Variants in DLGAP2 observed in about 807,000 individuals in gnomAD.
DLGAP2 encodes the protein disks large-associated protein 2.
A neutral mutation model predicts 100.3 loss-of-function variants in DLGAP2; 26 were observed. That is an observed-to-expected ratio of 0.26 (90% confidence interval 0.19 to 0.36). The LOEUF is 0.36. DLGAP2 is among the 10% of genes least tolerant of loss of function. The probability of loss-of-function intolerance (pLI) is 1.00; values close to 1 mark genes in which losing one functional copy is unlikely to be tolerated. For synonymous variants in DLGAP2, 886 were observed against 630.1 expected (o/e 1.41, Z -6.08); for missense variants, 1,858 against 1,453.2 (o/e 1.28, Z -4.53).
At chr8:923,650 A>T (rs1453896408) in intron 2 of DLGAP2, among the ~76,000 whole-genome samples, 1 of 151,884 alleles carries the variant, frequency 6.6e-6, no homozygotes, top group Non-Finnish European at 1.5e-5. Context: ...CAGTTTAGAG[A>T]CCCCTCTGAG....
chr8:1,524,693 T>A (rs991945006), intron 4 of DLGAP2, among the ~76,000 whole-genome samples: 1 of 152,126 alleles, frequency 6.6e-6, no homozygotes, highest in African/African-American at 2.4e-5. Context: ...AACCTTCTCA[T>A]TGCCTTTCCA....
intron 7 of DLGAP2, among the ~76,000 whole-genome samples, chr8:1,628,519 C>T (rs1400462536): frequency 6.7e-6 from 1 of 148,556 alleles, no homozygotes; most frequent in Non-Finnish European, 1.5e-5. Context: ...GAATTAAGAG[C>T]CTGAGCTGAC....
At chr8:906,752 C>G (rs776795236) in intron 1 of DLGAP2, among the ~76,000 whole-genome samples, 4 of 152,226 alleles carry the variant, frequency 2.6e-5, no homozygotes, top group East Asian at 1.9e-4. Context: ...CTCAGCCACA[C>G]AGGCAGCTCT....
At chr8:1,153,071 C>G (rs1256960723) in intron 2 of DLGAP2, among the ~76,000 whole-genome samples, 1 of 152,144 alleles carries the variant, frequency 6.6e-6, no homozygotes, top group East Asian at 1.9e-4. Context: ...GCTTTTATTT[C>G]AAGAAACTAC....
At chr8:1,201,063 T>C (rs879347065) in intron 2 of DLGAP2, among the ~76,000 whole-genome samples, 9 of 151,904 alleles carry the variant, frequency 5.9e-5, no homozygotes, top group Non-Finnish European at 1.2e-4. Context: ...GCCAGGCGGG[T>C]GCCGAGATGC....
chr8:1,622,790 C>T (rs148041178), intron 6 of DLGAP2, among the ~76,000 whole-genome samples: 27 of 152,270 alleles, frequency 1.8e-4, no homozygotes, highest in African/African-American at 6.0e-4. Context: ...CCTGGGATGC[C>T]GCAGGAATTA....
At chr8:1,301,576 G>A (rs1385507838) in intron 3 of DLGAP2, 3 of 152,170 alleles carry the variant, frequency 2.0e-5, no homozygotes, top group South Asian at 2.1e-4. Flanking sequence ...TGATGGTCCC[G>A]ATCCTGCCTG....
In DLGAP2 at chr8:1,549,031, T is replaced by A. The variant is rs750458298; in HGVS notation, c.578T>A (p.Leu193Gln). Residue 193 changes from leucine to glutamine, a missense_variant, in exon 5 of 15, where the codon CTG (leucine) becomes CAG (glutamine). Transcript: ENST00000637795. The part of the protein sequence containing the change: ...AKINRIPANL[L>Q]DQFEKQLPLH... ...ATCAACCGCATCCCGGCCAACCTGC[T>A]GGACCAGTTCGAGAAGCAGCTGCCG... The A allele has an allele frequency of 1.3e-6, 2 of 1,596,024 alleles. No homozygotes were observed. The highest frequency in any genetic ancestry group is 1.7e-5 in the Admixed American group (1 of 58,860).
chr8:1,059,491 G>A (rs193218830), intron 2 of DLGAP2, among the ~76,000 whole-genome samples: 1 of 152,298 alleles, frequency 6.6e-6, no homozygotes, highest in Non-Finnish European at 1.5e-5. Context: ...GGCTGCAAGA[G>A]GATTGAATGA....
intron 2 of DLGAP2, among the ~76,000 whole-genome samples, chr8:1,247,315 TG>T (rs66892069): frequency 0.86 from 57,408 of 66,980 alleles, 26,551 homozygotes; most frequent in Middle Eastern, 0.98. Flanking sequence ...GAGATCAGTG[TG>T]GGAGTGATGG....
chr8:1,165,057 C>G (rs902959073), intron 2 of DLGAP2, among the ~76,000 whole-genome samples: 1 of 151,920 alleles, frequency 6.6e-6, no homozygotes, highest in Non-Finnish European at 1.5e-5. Context: ...GCTAAAGATT[C>G]TCCTCCCTCT....
rs549673983 is a variant in DLGAP2 at position 1,332,582 on chromosome 8, C to G, written c.106+73699C>G. Among the ~76,000 whole-genome samples, 4 of 152,316 alleles carry G rather than the reference C, an allele frequency of 2.6e-5. 1 individual carries two copies. Among genetic ancestry groups the G allele is most frequent in the Admixed American group, 2.0e-4 (3 of 15,300 alleles). ...TTGCTATGACGGAGCTTCCCTGCCCCTGGCTGTCACACATGCCCTGAGAAG... is the reference window on the plus strand; with the variant it reads ...TTGCTATGACGGAGCTTCCCTGCCCGTGGCTGTCACACATGCCCTGAGAAG... On this transcript the variant is annotated intron_variant, in intron 3 of 14. Transcript: ENST00000637795.
At chr8:1,280,174 C>A (rs1305178109) in intron 3 of DLGAP2, among the ~76,000 whole-genome samples, 1 of 152,136 alleles carries the variant, frequency 6.6e-6, no homozygotes, top group Admixed American at 6.5e-5. Flanking sequence ...GATGGTTTTT[C>A]ATTAGCTGGT....
chr8:1,172,093 T>C (rs1056767592), intron 2 of DLGAP2, among the ~76,000 whole-genome samples: 14 of 151,958 alleles, frequency 9.2e-5, no homozygotes, highest in African/African-American at 2.9e-4. Context: ...TGACAAAATC[T>C]CTCAGCATTT....
intron 2 of DLGAP2, among the ~76,000 whole-genome samples, chr8:1,005,687 TG>T (rs1801088909): frequency 6.6e-6 from 1 of 152,030 alleles, no homozygotes; most frequent in Non-Finnish European, 1.5e-5. Context: ...CCCAAAGTGC[TG>T]GTATTACAGG....
In DLGAP2 at chr8:1,270,866, G is replaced by A. The variant is rs543535326; in HGVS notation, c.106+11983G>A. Among the ~76,000 whole-genome samples the A allele has an allele frequency of 5.6e-4, 85 of 151,870 alleles. 1 individual carries two copies. The highest frequency in any genetic ancestry group is 2.0e-3 in the African/African-American group (82 of 41,444). ...TACAGAGTGAAACCTCTGCTGTCAG[G>A]GTCTGATTTTTATTTTCTAGATGTT... On this transcript the variant is annotated intron_variant, in intron 3 of 14. Coordinates refer to ENST00000637795, the MANE Select transcript of DLGAP2 (RefSeq NM_001346810.2).
intron 3 of DLGAP2, among the ~76,000 whole-genome samples, chr8:1,278,185 C>T (rs183286138): frequency 3.7e-4 from 57 of 152,308 alleles, no homozygotes; most frequent in Non-Finnish European, 6.0e-4. Context: ...TTCTCCTCCA[C>T]CAAAGAGCTG....
chr8:1,533,969 T>C (rs551796535), intron 4 of DLGAP2, among the ~76,000 whole-genome samples: 44 of 152,314 alleles, frequency 2.9e-4, no homozygotes, highest in African/African-American at 1.1e-3. Flanking sequence ...AATAAAATAC[T>C]ATGAATACAT....
At chr8:1,416,401 T>A (rs1429761217) in intron 3 of DLGAP2, among the ~76,000 whole-genome samples, 1 of 152,204 alleles carries the variant, frequency 6.6e-6, no homozygotes, top group Admixed American at 6.5e-5. Context: ...GCAGCGATAC[T>A]ACAGTTTCTG....
Sources: allele counts gnomAD v4.1 joint callset (sites outside exome capture counted in the v4.1 genomes callset), GRCh38; gene constraint gnomAD v4.1.1; transcripts MANE v1.5; gene names NCBI Gene and HGNC (gene_info 2026-07-23, HGNC 2026-07-21).